The following DSE variants were observed in gnomAD, a reference collection of about 807,000 sequenced individuals.
DSE encodes the protein dermatan-sulfate epimerase.
A neutral mutation model predicts 84.4 loss-of-function variants in DSE; 36 were observed. That is an observed-to-expected ratio of 0.43 (90% CI 0.33 to 0.56). The LOEUF (loss-of-function observed/expected upper bound fraction) is 0.56. Among genes scored for constraint, DSE ranks in the 20% least tolerant of loss-of-function variants. DSE has a pLI of 0.06. For missense variants in DSE, 862 were observed against 1,169.6 expected (o/e 0.74, Z 3.84); for synonymous variants, 410 against 430.1 (o/e 0.95, Z 0.58).
At chr6:116,290,255 C>A (rs1341999455) in intron 2 of DSE, among the ~76,000 whole-genome samples, 1 of 152,166 alleles carries the variant, frequency 6.6e-6, no homozygotes, top group South Asian at 2.1e-4. Flanking sequence ...CTAATAACTT[C>A]GTTTTCTTGG....
chr6:116,427,922 C>T (rs1327486017), intron 3 of DSE, among the ~76,000 whole-genome samples: 1 of 152,246 alleles, frequency 6.6e-6, no homozygotes, highest in African/African-American at 2.4e-5. Context: ...GGCGTGGTGG[C>T]TCACACCTGT....
intron 2 of DSE, among the ~76,000 whole-genome samples, chr6:116,281,819 G>A (rs541048758): frequency 6.6e-6 from 1 of 152,216 alleles, no homozygotes; most frequent in African/African-American, 2.4e-5. Flanking sequence ...GAAGTAAGGG[G>A]CATATGGGTT....
chr6:116,437,495 G>A lies in DSE; in HGVS notation c.*150G>A, dbSNP rs555743530. 472 of 721,382 alleles carry A rather than the reference G, an allele frequency of 6.5e-4. 1 individual carries two copies. Among genetic ancestry groups the A allele is most frequent in the Middle Eastern group, 1.2e-3 (4 of 3,320 alleles). The allele number at this position is 721,382 out of a possible 1,614,324, so 44.7% of individuals were successfully genotyped here. A position where few individuals can be genotyped will look rare whatever the true frequency, so the allele number is the denominator to read the frequency against. On this transcript the variant is annotated 3_prime_UTR_variant, in exon 6 of 6. Transcript: ENST00000644252. ...TATTTTGACACAAGAAAGCAGGAAC[G>A]TGGAGAAATTGGAGCAGGAAAAGAA...
chr6:116,370,767 G>C, upstream of DSE: 4 of 933,006 alleles, frequency 4.3e-6, 1 homozygote, highest in African/African-American at 5.3e-5. Context: ...AAGCGGGGCG[G>C]GCCTGCGGTC....
chr6:116,409,525 C>T (rs1429297637), intron 2 of DSE, among the ~76,000 whole-genome samples: 2 of 152,142 alleles, frequency 1.3e-5, no homozygotes, highest in African/African-American at 2.4e-5. Context: ...ATGATCCGCC[C>T]ACCTTGGCCT....
chr6:116,411,952 T>C (rs1033982894), intron 2 of DSE, among the ~76,000 whole-genome samples: 6 of 152,242 alleles, frequency 3.9e-5, no homozygotes, highest in African/African-American at 9.6e-5. Flanking sequence ...CTGGGGCATA[T>C]TGAAGTTAGC....
chr6:116,397,352 A>ACC (rs11406105), intron 1 of DSE, among the ~76,000 whole-genome samples: 21 of 150,592 alleles, frequency 1.4e-4, no homozygotes, highest in African/African-American at 3.9e-4. Flanking sequence ...GAATACAGGC[A>ACC]CCCCCCACCA....
At chr6:116,392,237 T>TTTCCTAAAAC (rs1264080610) in intron 1 of DSE, among the ~76,000 whole-genome samples, 68 of 152,302 alleles carry the variant, frequency 4.5e-4, no homozygotes, top group Non-Finnish European at 5.7e-4. Flanking sequence ...CAATCAGGGT[T>TTTCCTAAAAC]TTCCTAAAAC....
chr6:116,313,261 A>G (rs1775790855), intron 2 of DSE, among the ~76,000 whole-genome samples: 1 of 152,214 alleles, frequency 6.6e-6, no homozygotes. Flanking sequence ...CCCTGCCAAT[A>G]CCTTGAATTC....
At chr6:116,276,071 T>A (rs1016345861) in intron 2 of DSE, among the ~76,000 whole-genome samples, 1 of 152,198 alleles carries the variant, frequency 6.6e-6, no homozygotes, top group Non-Finnish European at 1.5e-5. Context: ...TTATGTTAAT[T>A]TTCTAGAACA....
intron 2 of DSE, among the ~76,000 whole-genome samples, chr6:116,285,792 T>G (rs1773862847): frequency 6.6e-6 from 1 of 152,210 alleles, no homozygotes; most frequent in Non-Finnish European, 1.5e-5. Flanking sequence ...TTTTCCCATT[T>G]CTTGTTTTTC....
rs150394886 is a variant in DSE at position 116,357,442 on chromosome 6, G to A, written c.-53-41756G>A. Among the ~76,000 whole-genome samples the A allele has an allele frequency of 2.6e-3, 392 of 151,706 alleles. 2 individuals carry two copies. The highest frequency in any genetic ancestry group is 9.2e-3 in the African/African-American group (381 of 41,330). On this transcript the variant is annotated intron_variant, in intron 2 of 3. Transcript: ENST00000430252. ...AGCTACACAGGAGGCTGAGGCAGGA[G>A]AAAGGCATGAACCCAGGAGGCAGAG...
chr6:116,314,078 TC>T (rs951081026), intron 2 of DSE, among the ~76,000 whole-genome samples: 2 of 152,128 alleles, frequency 1.3e-5, no homozygotes, highest in African/African-American at 2.4e-5. Context: ...TGGCTTCCTT[TC>T]CCCCATTTTT....
intron 2 of DSE, among the ~76,000 whole-genome samples, chr6:116,407,547 G>A (rs1466866566): frequency 6.6e-6 from 1 of 152,024 alleles, no homozygotes; most frequent in African/African-American, 2.4e-5. Flanking sequence ...AGGACCTCTT[G>A]GCCATATCTG....
intron 2 of DSE, among the ~76,000 whole-genome samples, chr6:116,361,416 GA>G (rs1438882738): frequency 6.6e-6 from 1 of 152,168 alleles, no homozygotes; most frequent in Non-Finnish European, 1.5e-5. Flanking sequence ...ATGGCTTAAT[GA>G]GCTTTTTTGA....
rs1459086474 is a variant in DSE at position 116,444,372 on chromosome 6, T to C, written c.*7027T>C. 6.6e-6 allele frequency: 1 copy of C among 152,214 alleles called. No homozygotes were observed. Among genetic ancestry groups the C allele is most frequent in the Non-Finnish European group, 1.5e-5 (1 of 68,024 alleles). 9.4% of individuals were successfully genotyped at this position (152,214 alleles called of 1,614,324 possible). A position where few individuals can be genotyped will look rare whatever the true frequency, so the allele number is the denominator to read the frequency against. On this transcript the variant is annotated 3_prime_UTR_variant, in exon 6 of 6. Coordinates refer to ENST00000644252, the MANE Select transcript of DSE (RefSeq NM_013352.4). ...GATTGTGTCTCTTGCTCGTTGTATATACATGGTTCTTACACAGTGCCTGGC... is the reference window on the plus strand; with the variant it reads ...GATTGTGTCTCTTGCTCGTTGTATACACATGGTTCTTACACAGTGCCTGGC...
rs1235653817 is a variant in DSE, at chr6:116,436,198, A to G, written c.1730A>G (p.Glu577Gly). Residue 577 changes from glutamate (E) to glycine (G), a missense_variant, in exon 6 of 6, where the codon GAG (glutamate) becomes GGG (glycine). Glu to Gly is a moderately conservative substitution (Grantham distance 98, BLOSUM62 -2). This residue lies in a region of DSE where 186 missense variants were observed against 255.1 expected (regional missense o/e 0.73). Transcript: ENST00000644252. ...GTAGACCAAATACACCTGGGAGAGG[A>G]GAGTCCCTTGGAGACAGCAGCGAGC... is the stretch of plus-strand genomic sequence containing the variant. ...LLVDQIHLGE[E>G]SPLETAASFF... The G allele has an allele frequency of 6.2e-7, 1 of 1,613,778 alleles. No homozygotes were observed. Among genetic ancestry groups the G allele is most frequent in the African/African-American group, 1.3e-5 (1 of 74,916 alleles).
chr6:116,260,856 A>G (rs1018089551), intron 2 of DSE, among the ~76,000 whole-genome samples: 7 of 152,130 alleles, frequency 4.6e-5, no homozygotes, highest in African/African-American at 1.4e-4. Context: ...CTGTATTTGT[A>G]TCAGTACCAT....
rs1784460966 is a variant in DSE at position 116,442,519 on chromosome 6, G to C, written c.*5174G>C. On this transcript the variant is annotated 3_prime_UTR_variant, in exon 6 of 6. Coordinates refer to ENST00000644252, the MANE Select transcript of DSE (RefSeq NM_013352.4). ...AAACAGAAATTTACTAGCTGTGTGA[G>C]AGGAGAAGTGCATTCTGGGTAAATG... 1 of 152,144 alleles carries C rather than the reference G, an allele frequency of 6.6e-6. No homozygotes were observed. Among genetic ancestry groups the C allele is most frequent in the East Asian group, 1.9e-4 (1 of 5,200 alleles). The allele number at this position is 152,144 out of a possible 1,614,324, so 9.4% of individuals were successfully genotyped here. A position where few individuals can be genotyped will look rare whatever the true frequency, so the allele number is the denominator to read the frequency against.
Sources: allele counts gnomAD v4.1 joint callset (sites outside exome capture counted in the v4.1 genomes callset), GRCh38; gene constraint gnomAD v4.1.1; regional missense constraint gnomAD v4.1.1; transcripts MANE v1.5; gene names NCBI Gene and HGNC (gene_info 2026-07-23, HGNC 2026-07-21).